Variants in DYNC1H1 observed in about 807,000 individuals in gnomAD.
DYNC1H1 encodes dynein cytoplasmic 1 heavy chain 1.
DYNC1H1 carries 51 observed loss-of-function variants against 527.1 expected under a neutral mutation model. The observed-to-expected ratio is 0.10, with a 90% CI of 0.08 to 0.12. The LOEUF is 0.12. Ranked by LOEUF, DYNC1H1 falls within the 10% of genes least tolerant of loss-of-function variation. DYNC1H1 has a pLI of 1.00. For missense variants in DYNC1H1, 2,771 were observed against 5,971.8 expected (o/e 0.46, Z 17.66); for synonymous variants, 2,189 against 2,278.8 (o/e 0.96, Z 1.12).
rs180715430 is a variant in DYNC1H1 at position 101,988,564 on chromosome 14, T to C, written c.2719-139T>C. On this transcript the variant is annotated intron_variant, in intron 9 of 77. Coordinates refer to ENST00000360184, the MANE Select transcript of DYNC1H1 (RefSeq NM_001376.5). The stretch of plus-strand genomic sequence containing the variant: ...GCTGGGAGAAAGTGAGAAAGTGAGA[T>C]TCTGAGAAGAGAGATATGAAGGCTT... 212 of 1,109,202 alleles carry C rather than the reference T, an allele frequency of 1.9e-4. 1 individual carries two copies. In the African/African-American group the frequency reaches 2.7e-3, roughly 14 times the overall value. The allele number at this position is 1,109,202 out of a possible 1,614,324, so 68.7% of individuals were successfully genotyped here.
chr14:101,988,969 A>C (rs2047965961), intron 10 of DYNC1H1, 117 bp downstream of exon 10: 2 of 1,368,778 alleles, frequency 1.5e-6, no homozygotes. Flanking sequence ...CACCTTAACC[A>C]GGTGATGAAG....
chr14:102,044,250 C>A lies in DYNC1H1; in HGVS notation c.12685-24C>A. On this transcript the variant is annotated intron_variant, in intron 70 of 77. Coordinates refer to ENST00000360184, the MANE Select transcript of DYNC1H1 (RefSeq NM_001376.5). The surrounding 1 kb of genome is among the most constrained non-coding windows in gnomAD (Gnocchi z 7.1). The stretch of plus-strand genomic sequence containing the variant: ...GCCTGCCCGCCTCTGACCACACACA[C>A]GAACCCTGCTTTTCCTCCCCCAGGG... The A allele has an allele frequency of 6.2e-7, 1 of 1,613,254 alleles. No individual in the cohort carries two copies. Among genetic ancestry groups the A allele is most frequent in the South Asian group, 1.1e-5 (1 of 90,984 alleles).
intron 57 of DYNC1H1, chr14:102,037,378 T>G (rs185293308): frequency 6.8e-6 from 1 of 146,758 alleles, no homozygotes; most frequent in Non-Finnish European, 1.5e-5. Flanking sequence ...GAACCGAGTT[T>G]GTGCCACTGC....
At position 102,029,778 on chromosome 14, in the gene DYNC1H1, C is replaced by T. The variant is rs750766074; in HGVS notation, c.9643-41C>T. 14 of 1,614,092 alleles carry T rather than the reference C, an allele frequency of 8.7e-6. No homozygotes were observed. The East Asian group carries it at 2.9e-4, about 33-fold the overall frequency. On this transcript the variant is annotated intron_variant, in intron 49 of 77. Transcript: ENST00000360184. This position sits in a 1 kb window ranked among gnomAD's most constrained non-coding sequence, Gnocchi z 5.3. ...GTGAGGACCCCTTTCCATATAATTT[C>T]TGCATGTTTCTCGTCTCTGAGTGTG... is the stretch of plus-strand genomic sequence containing the variant.
intron 16 of DYNC1H1, among the ~76,000 whole-genome samples, chr14:101,999,238 A>G (rs570249112): frequency 6.6e-6 from 1 of 152,056 alleles, no homozygotes; most frequent in East Asian, 1.9e-4. Flanking sequence ...GTGCAGTGAC[A>G]TGGTCATAGC....
Position 102,029,795 on chromosome 14 carries a change from C to CT in DYNC1H1, c.9643-23dup. 2 of 1,614,140 alleles carry CT rather than the reference C, an allele frequency of 1.2e-6. No individual in the cohort carries two copies. The highest frequency in any genetic ancestry group is 2.2e-5 in the East Asian group (1 of 44,878). On this transcript the variant is annotated intron_variant, in intron 49 of 77. Transcript: ENST00000360184. This position sits in a 1 kb window ranked among gnomAD's most constrained non-coding sequence, Gnocchi z 5.3. ...TATAATTTCTGCATGTTTCTCGTCT[C>CT]TGAGTGTGGGCTTTGCTCTTTAGGT... is the stretch of plus-strand genomic sequence containing the variant.
intron 43 of DYNC1H1, among the ~76,000 whole-genome samples, chr14:102,025,554 C>A (rs1473362816): frequency 1.4e-5 from 2 of 138,398 alleles, no homozygotes; most frequent in East Asian, 4.1e-4. Flanking sequence ...AGAGTGAGAC[C>A]CTGTCTCAAG....
rs1595631975 is a variant in DYNC1H1 at position 102,042,378 on chromosome 14, G to A, written c.12276-6G>A. On this transcript the variant is annotated splice_region_variant and splice_polypyrimidine_tract_variant and intron_variant, in intron 67 of 77. Coordinates refer to ENST00000360184, the MANE Select transcript of DYNC1H1 (RefSeq NM_001376.5). This position sits in a 1 kb window ranked among gnomAD's most constrained non-coding sequence, Gnocchi z 5.7. ...ATGCTGTGTGACTCTCACTTTGTGT[G>A]TGCAGGTGGGTGATGCTGAAGAATG... is the stretch of plus-strand genomic sequence containing the variant. 1.2e-5 allele frequency: 19 copies of A among 1,614,088 alleles called. No individual in the cohort carries two copies. The highest frequency in any genetic ancestry group is 1.7e-5 in the Admixed American group (1 of 59,994).
chr14:102,003,785 G>A (rs921237804), intron 23 of DYNC1H1, among the ~76,000 whole-genome samples: 1 of 151,880 alleles, frequency 6.6e-6, no homozygotes, highest in Admixed American at 6.6e-5. Flanking sequence ...AATTAGCCAG[G>A]CATGATGGCA....
chr14:102,036,391 C>T lies in DYNC1H1; in HGVS notation c.10755-98C>T. The T allele has an allele frequency of 6.5e-7, 1 of 1,534,876 alleles. No homozygotes were observed. ...ACCACTCTCGGGTGGTGGTAACAGC[C>T]TATCAATCAGGGTCTCTCATCAGGG... On this transcript the variant is annotated intron_variant, in intron 56 of 77. Coordinates refer to ENST00000360184, the MANE Select transcript of DYNC1H1 (RefSeq NM_001376.5). This position sits in a 1 kb window ranked among gnomAD's most constrained non-coding sequence, Gnocchi z 5.6.
rs2048640829 is a variant in DYNC1H1 at position 102,040,849 on chromosome 14, C to T, written c.11941+176C>T. 5.4e-6 allele frequency: 4 copies of T among 735,302 alleles called. No individual in the cohort carries two copies. In the East Asian group the frequency reaches 1.1e-4, roughly 20 times the overall value. The allele number at this position is 735,302 out of a possible 1,614,324, so 45.5% of individuals were successfully genotyped here. ...CGGTGCACACCTGTAGTCCCATCTA[C>T]TCGGGAGGCTAAAGCAGGAAGGTCA... On this transcript the variant is annotated intron_variant, in intron 64 of 77. Coordinates refer to ENST00000360184, the MANE Select transcript of DYNC1H1 (RefSeq NM_001376.5).
At chr14:102,008,756 C>A (rs752113244) in intron 29 of DYNC1H1, among the ~76,000 whole-genome samples, 16 of 152,144 alleles carry the variant, frequency 1.1e-4, no homozygotes, top group Non-Finnish European at 1.9e-4. Flanking sequence ...CCACTGCACT[C>A]CAGCCTAGGC....
intron 29 of DYNC1H1, 75 bp from the exon 30 acceptor site, chr14:102,009,768 T>C (rs1357056125): frequency 1.9e-6 from 3 of 1,609,520 alleles, no homozygotes; most frequent in Non-Finnish European, 2.5e-6. Context: ...GTCTGTTGTT[T>C]TAGAGACATT....
Position 102,012,241 on chromosome 14 carries a change from C to T in DYNC1H1, c.6858-73C>T. ...GCAAATTAAAGGTCATTTCAGAAAC[C>T]ATCATCGGTAAACATGCCTAATGTT... On this transcript the variant is annotated intron_variant, in intron 33 of 77. Coordinates refer to ENST00000360184, the MANE Select transcript of DYNC1H1 (RefSeq NM_001376.5). This position sits in a 1 kb window ranked among gnomAD's most constrained non-coding sequence, Gnocchi z 4.9. 7.4e-6 allele frequency: 12 copies of T among 1,612,910 alleles called. No individual in the cohort carries two copies. The South Asian group carries it at 1.3e-4, about 18-fold the overall frequency.
At position 102,007,116 on chromosome 14, in the gene DYNC1H1, A is replaced by T; in HGVS notation, c.5817+8A>T. ...GAAACCTTTGATTTCCAGGTGAGAC[A>T]CTTTATGGGATCCACCTAAAATGTA... On this transcript the variant is annotated splice_region_variant and intron_variant, in intron 28 of 77. Coordinates refer to ENST00000360184, the MANE Select transcript of DYNC1H1 (RefSeq NM_001376.5). 1 of 1,613,744 alleles carries T rather than the reference A, an allele frequency of 6.2e-7. No homozygotes were observed. The highest frequency in any genetic ancestry group is 8.5e-7 in the Non-Finnish European group (1 of 1,179,638).
chr14:102,018,561 G>A lies in DYNC1H1; in HGVS notation c.8288G>A (p.Arg2763Gln), dbSNP rs757167931. 4 of 1,613,900 alleles carry A rather than the reference G, an allele frequency of 2.5e-6. No individual in the cohort carries two copies. Among genetic ancestry groups the A allele is most frequent in the African/African-American group, 1.3e-5 (1 of 74,922 alleles). ...RAMLRLIPSL[R>Q]TYAEPLTAAM... The stretch of plus-strand genomic sequence containing the variant: ...ATGCTGAGGCTCATTCCATCCCTGC[G>A]GACGTATGCAGAGCCGCTCACTGCT... Residue 2763 changes from arginine (R) to glutamine (Q), a missense_variant, in exon 41 of 78, where the codon CGG (arginine) becomes CAG (glutamine). By Grantham distance (43) the Arg-to-Gln change is conservative. This residue lies in a region of DYNC1H1 where 163 missense variants were observed against 346.9 expected (regional missense o/e 0.47). Transcript: ENST00000360184. This position sits in a 1 kb window ranked among gnomAD's most constrained non-coding sequence, Gnocchi z 5.2.
At chr14:102,047,192 A>T (rs893157757) in intron 72 of DYNC1H1, among the ~76,000 whole-genome samples, 1 of 151,994 alleles carries the variant, frequency 6.6e-6, no homozygotes, top group Non-Finnish European at 1.5e-5. Flanking sequence ...CTTATTCTGT[A>T]TCTGTCTCCT....
At position 102,033,911 on chromosome 14, in the gene DYNC1H1, T is replaced by C; in HGVS notation, c.10414-65T>C. ...TGCACATAATGTGGATGAACCGATTTGCAGGATTCGGTATAAATCCTGAAA... is the reference window on the plus strand; with the variant it reads ...TGCACATAATGTGGATGAACCGATTCGCAGGATTCGGTATAAATCCTGAAA... On this transcript the variant is annotated intron_variant, in intron 54 of 77. Transcript: ENST00000360184. This position sits in a 1 kb window ranked among gnomAD's most constrained non-coding sequence, Gnocchi z 5.6. 10 of 1,568,592 alleles carry C rather than the reference T, an allele frequency of 6.4e-6. No homozygotes were observed. Among genetic ancestry groups the C allele is most frequent in the Non-Finnish European group, 8.7e-6 (10 of 1,143,342 alleles).
intron 9 of DYNC1H1, among the ~76,000 whole-genome samples, chr14:101,987,916 A>G (rs1595601867): frequency 1.3e-5 from 2 of 152,126 alleles, no homozygotes; most frequent in South Asian, 2.1e-4. Flanking sequence ...TGTCTCTACT[A>G]TAAATACAAA....
Sources: allele counts gnomAD v4.1 joint callset (sites outside exome capture counted in the v4.1 genomes callset), GRCh38; gene constraint gnomAD v4.1.1; regional missense constraint gnomAD v4.1.1; non-coding constraint Gnocchi (gnomAD v3.1); transcripts MANE v1.5; gene names NCBI Gene and HGNC (gene_info 2026-07-23, HGNC 2026-07-21).